The following EDIL3 variants were observed in gnomAD, a reference collection of about 807,000 sequenced individuals.
EDIL3 encodes the protein EGF like and discoidin domains 3.
In EDIL3, 37 loss-of-function variants were observed where a neutral mutation model predicts 67.4. That is an observed-to-expected ratio of 0.55 (90% CI 0.42 to 0.72). The LOEUF (loss-of-function observed/expected upper bound fraction) is 0.72. Among genes scored for constraint, EDIL3 ranks in the 30% least tolerant of loss-of-function variants. EDIL3 has a pLI of 0.00. For synonymous variants in EDIL3, 195 were observed against 196.3 expected, an observed-to-expected ratio of 0.99 and a Z score of 0.05; for missense variants, 527 against 586.3, an observed-to-expected ratio of 0.90 and a Z score of 1.04.
intron 5 of EDIL3, among the ~76,000 whole-genome samples, chr5:84,115,335 C>G (rs1162561628): frequency 2.6e-5 from 4 of 152,068 alleles, no homozygotes; most frequent in Non-Finnish European, 5.9e-5. Flanking sequence ...TGTGTGTTAT[C>G]TCAAGCCAAT....
At chr5:84,159,915 T>C (rs1748573327) in intron 4 of EDIL3, among the ~76,000 whole-genome samples, 1 of 152,114 alleles carries the variant, frequency 6.6e-6, no homozygotes, top group Non-Finnish European at 1.5e-5. Context: ...TGGCACTGCT[T>C]TATCTCATAA....
At chr5:84,338,017 A>G (rs1747024662) in intron 1 of EDIL3, among the ~76,000 whole-genome samples, 1 of 152,184 alleles carries the variant, frequency 6.6e-6, no homozygotes, top group African/African-American at 2.4e-5. Flanking sequence ...ATACACATAG[A>G]TAAATATGCA....
chr5:84,139,092 G>T (rs1748143227), intron 4 of EDIL3, among the ~76,000 whole-genome samples: 1 of 152,142 alleles, frequency 6.6e-6, no homozygotes, highest in East Asian at 1.9e-4. Flanking sequence ...ACAAAAATTA[G>T]CTGGTGTGGT....
chr5:84,290,906 A>T (rs1021713758), intron 1 of EDIL3, among the ~76,000 whole-genome samples: 1 of 152,172 alleles, frequency 6.6e-6, no homozygotes, highest in Non-Finnish European at 1.5e-5. Flanking sequence ...CTTCATTTCA[A>T]GTGGCTCAGT....
At chr5:84,288,365 T>C (rs1392870286) in intron 1 of EDIL3, among the ~76,000 whole-genome samples, 1 of 152,202 alleles carries the variant, frequency 6.6e-6, no homozygotes, top group South Asian at 2.1e-4. Flanking sequence ...GCTTTTATTT[T>C]TGATGTTTTC....
chr5:84,059,121 C>A (rs1746498106), intron 9 of EDIL3, among the ~76,000 whole-genome samples: 1 of 151,946 alleles, frequency 6.6e-6, no homozygotes, highest in Non-Finnish European at 1.5e-5. Context: ...AAAAAAGAAG[C>A]CTGATGTGGG....
chr5:84,315,335 C>T (rs1236391854), intron 1 of EDIL3, among the ~76,000 whole-genome samples: 1 of 152,156 alleles, frequency 6.6e-6, no homozygotes, highest in African/African-American at 2.4e-5. Context: ...GCTCATTCAA[C>T]TCTTAATTCC....
Position 83,998,735 on chromosome 5 carries a change from G to A in EDIL3, c.1138-35375C>T, listed in dbSNP as rs139748184. 3.2e-3 allele frequency among the ~76,000 whole-genome samples: 492 copies of A among 152,276 alleles called. 2 individuals are homozygous for A. Among genetic ancestry groups the A allele is most frequent in the African/African-American group, 0.011 (472 of 41,554 alleles). On this transcript the variant is annotated intron_variant, in intron 9 of 10. Coordinates refer to ENST00000296591, the MANE Select transcript of EDIL3 (RefSeq NM_005711.5). The stretch of plus-strand genomic sequence containing the variant: ...CCATGAAGGGAAAGACACACATTTG[G>A]CAGGATTCACCATCTGCTGACTAAA...
At chr5:84,351,758 T>C (rs758645405) in intron 1 of EDIL3, among the ~76,000 whole-genome samples, 4 of 151,970 alleles carry the variant, frequency 2.6e-5, no homozygotes, top group African/African-American at 7.3e-5. Context: ...GTAAAATTTA[T>C]GGAAACAATA....
chr5:84,076,631 GT>G (rs1746861935), intron 6 of EDIL3, among the ~76,000 whole-genome samples: 3 of 152,104 alleles, frequency 2.0e-5, no homozygotes, highest in Admixed American at 1.3e-4. Flanking sequence ...CATCAGAAAA[GT>G]TTTTAATTAT....
chr5:84,006,700 AAAC>A (rs1745423394), intron 9 of EDIL3, among the ~76,000 whole-genome samples: 1 of 152,162 alleles, frequency 6.6e-6, no homozygotes, highest in Admixed American at 6.6e-5. Flanking sequence ...GAACAAACCT[AAAC>A]AGGTAACACC....
At chr5:84,044,722 G>A (rs2112217673) in intron 9 of EDIL3, among the ~76,000 whole-genome samples, 1 of 152,180 alleles carries the variant, frequency 6.6e-6, no homozygotes, top group East Asian at 1.9e-4. Context: ...GCGGGCGGTA[G>A]AAAGCCTAAG....
At chr5:84,353,525 T>C (rs551065160) in intron 1 of EDIL3, among the ~76,000 whole-genome samples, 1 of 152,312 alleles carries the variant, frequency 6.6e-6, no homozygotes, top group Non-Finnish European at 1.5e-5. Context: ...ATAAGTTTGG[T>C]TGGAACTTAT....
intron 9 of EDIL3, among the ~76,000 whole-genome samples, chr5:83,971,888 T>C (rs1744799636): frequency 1.3e-5 from 2 of 152,122 alleles, no homozygotes; most frequent in South Asian, 2.1e-4. Flanking sequence ...TTCCTCTGAA[T>C]ATAGAAAAGT....
chr5:84,164,356 G>A (rs1460683597), intron 4 of EDIL3, among the ~76,000 whole-genome samples: 1 of 151,984 alleles, frequency 6.6e-6, no homozygotes, highest in East Asian at 1.9e-4. Flanking sequence ...TTATAAATAT[G>A]TGCTTCCTTG....
chr5:84,226,875 T>C (rs139675787), intron 3 of EDIL3, among the ~76,000 whole-genome samples: 92 of 152,038 alleles, frequency 6.1e-4, no homozygotes, highest in African/African-American at 2.0e-3. Flanking sequence ...GAAGAAAAAA[T>C]GTTCAGTTGC....
At chr5:84,235,825 A>G (rs927662980) in intron 2 of EDIL3, among the ~76,000 whole-genome samples, 1 of 151,994 alleles carries the variant, frequency 6.6e-6, no homozygotes, top group South Asian at 2.1e-4. Flanking sequence ...TCATTATATA[A>G]ATCAGATTTT....
chr5:84,156,908 G>A (rs552949371), intron 4 of EDIL3, among the ~76,000 whole-genome samples: 1 of 152,066 alleles, frequency 6.6e-6, no homozygotes, highest in African/African-American at 2.4e-5. Context: ...ATATTCATTT[G>A]AGACACTAGA....
chr5:84,028,184 A>C (rs2112199374), intron 9 of EDIL3, among the ~76,000 whole-genome samples: 1 of 152,038 alleles, frequency 6.6e-6, no homozygotes, highest in African/African-American at 2.4e-5. Context: ...TTTCCTGCCT[A>C]TTCCTACTTT....
Sources: gnomAD v4.1 joint callset for allele counts (sites outside exome capture counted in the v4.1 genomes callset) on GRCh38, gnomAD v4.1.1 for gene constraint, MANE v1.5 for transcripts, NCBI Gene and HGNC (gene_info 2026-07-23, HGNC 2026-07-21) for gene names.